The following C11orf16 variants were observed in gnomAD, a reference collection of about 807,000 sequenced individuals.
The protein encoded by C11orf16 is uncharacterized protein C11orf16.
In C11orf16, 38 loss-of-function variants were observed where a neutral mutation model predicts 45.1. The ratio of observed to expected loss-of-function variants is 0.84; its 90% confidence interval spans 0.65 to 1.10. The LOEUF is 1.10. Ranked by LOEUF, C11orf16 falls within the 50% of genes least tolerant of loss-of-function variation. The pLI is 0.00. For synonymous variants in C11orf16, 221 were observed against 222.0 expected (o/e 1.00, Z 0.04); for missense variants, 583 against 569.5 (o/e 1.02, Z -0.24).
chr11:8,927,017 G>A lies in C11orf16; in HGVS notation c.482C>T (p.Ala161Val). The A allele has an allele frequency of 1.9e-6, 3 of 1,614,086 alleles. No individual in the cohort carries two copies. The highest frequency in any genetic ancestry group is 1.7e-6 in the Non-Finnish European group (2 of 1,180,010). ...CTGCTGTTGGCCTGGCTCCCAGAGT[G>A]CCAGCACCTTATCCCCTGGTCTCAG... ...YSLRPGDKVL[A>V]LWEPGQQQYG... Residue 161 changes from alanine (A) to valine (V), a missense_variant, in exon 4 of 7, where the codon GCA becomes GTA. Physicochemically the swap from Ala to Val is moderately conservative, Grantham distance 64 (BLOSUM62 0). Transcript: ENST00000326053.
At chr11:8,929,644 G>T in intron 2 of C11orf16, 111 bp from the exon 3 acceptor site, 1 of 1,041,372 alleles carries the variant, frequency 9.6e-7, no homozygotes, top group Non-Finnish European at 1.3e-6. Flanking sequence ...GAGGCATGCG[G>T]AACAGAAATC....
intron 2 of C11orf16, among the ~76,000 whole-genome samples, chr11:8,930,817 T>C (rs1053448744): frequency 6.6e-6 from 1 of 152,112 alleles, no homozygotes; most frequent in Non-Finnish European, 1.5e-5. Flanking sequence ...GCTGAGGAGC[T>C]CCTGCAGACC....
chr11:8,925,446 C>T lies in C11orf16; in HGVS notation c.1204+17G>A. ...CCAGCCCCTGCCTTAGAAAGCAAGC[C>T]CACTCCCCTGGTATACCTGGCTTCC... is the stretch of plus-strand genomic sequence containing the variant. On this transcript the variant is annotated intron_variant, in intron 5 of 6. Coordinates refer to ENST00000326053, the MANE Select transcript of C11orf16 (RefSeq NM_020643.3). The T allele has an allele frequency of 6.9e-6, 11 of 1,602,550 alleles. No individual in the cohort carries two copies. The highest frequency in any genetic ancestry group is 9.4e-6 in the Non-Finnish European group (11 of 1,173,388).
At position 8,926,008 on chromosome 11, in the gene C11orf16, T is replaced by G; in HGVS notation, c.659A>C (p.Lys220Thr). ...AGACTTGTGCAGCCTCTCCACAGCC[T>G]TCTTCCAGATGGTCAGGGACACCGA... ...VQSVSLTIWK[K>T]AVERLHKSFT... The change falls in exon 5 of 7, where the codon AAG becomes ACG. Residue 220 changes from lysine to threonine, a missense_variant. By Grantham distance (78) the Lys-to-Thr change is moderately conservative. Coordinates refer to ENST00000326053, the MANE Select transcript of C11orf16 (RefSeq NM_020643.3). The G allele has an allele frequency of 1.2e-6, 2 of 1,614,116 alleles. No homozygotes were observed. Among genetic ancestry groups the G allele is most frequent in the Non-Finnish European group, 1.7e-6 (2 of 1,180,016 alleles).
chr11:8,925,999 T>C lies in C11orf16; in HGVS notation c.668A>G (p.Glu223Gly). The C allele has an allele frequency of 1.2e-6, 2 of 1,614,028 alleles. No homozygotes were observed. The highest frequency in any genetic ancestry group is 8.5e-7 in the Non-Finnish European group (1 of 1,179,992). ...CCTGGTGAAAGACTTGTGCAGCCTC[T>C]CCACAGCCTTCTTCCAGATGGTCAG... is the stretch of plus-strand genomic sequence containing the variant. ...VSLTIWKKAVERLHKSFTREH... is the reference protein window; with the variant it reads ...VSLTIWKKAVGRLHKSFTREH... Residue 223 changes from glutamate (E) to glycine (G), a missense_variant, in exon 5 of 7, where the codon GAG (glutamate) becomes GGG (glycine). Transcript: ENST00000326053.
chr11:8,920,879 A>T (rs2568024), intron 6 of C11orf16, among the ~76,000 whole-genome samples: 141,453 of 152,248 alleles, frequency 0.93, 66,563 homozygotes, highest in East Asian at 1. Flanking sequence ...GCCACAGCAG[A>T]ACTGTGACAT....
Position 8,925,732 on chromosome 11 carries a change from G to A in C11orf16, c.935C>T (p.Thr312Ile), listed in dbSNP as rs1446689831. 6.2e-7 allele frequency: 1 copy of A among 1,614,242 alleles called. No individual in the cohort carries two copies. Among genetic ancestry groups the A allele is most frequent in the Non-Finnish European group, 8.5e-7 (1 of 1,180,038 alleles). Residue 312 changes from threonine (T) to isoleucine (I), a missense_variant, in exon 5 of 7, where the codon ACA becomes ATA. Thr to Ile is a moderately conservative substitution (Grantham distance 89). Transcript: ENST00000326053. ...MARELPELEP[T>I]AQLLPLEGPK... The stretch of plus-strand genomic sequence containing the variant: ...ACCTTCCAGGGGCAAAAGCTGTGCT[G>A]TGGGCTCCAACTCTGGAAGTTCTCT...
Position 8,926,960 on chromosome 11 carries a change from T to G in C11orf16, c.539A>C (p.Glu180Ala), listed in dbSNP as rs779904048. Reference protein sequence around the residue: ...YGPGTVLLGLEMRDPQRASKE... With the variant: ...YGPGTVLLGLAMRDPQRASKE... ...CTTACCTCTCTGGGGATCTCTCATCTCCAAGCCCAAAAGAACAGTGCCAGG... is the reference window on the plus strand; with the variant it reads ...CTTACCTCTCTGGGGATCTCTCATCGCCAAGCCCAAAAGAACAGTGCCAGG... Residue 180 changes from glutamate (E) to alanine (A), a missense_variant, in exon 4 of 7, where the codon GAG becomes GCG. Coordinates refer to ENST00000326053, the MANE Select transcript of C11orf16 (RefSeq NM_020643.3). The G allele has an allele frequency of 6.2e-7, 1 of 1,613,756 alleles. No individual in the cohort carries two copies. The highest frequency in any genetic ancestry group is 1.7e-5 in the Admixed American group (1 of 60,026).
Position 8,921,601 on chromosome 11 carries a change from C to T in C11orf16, c.1205-86G>A, listed in dbSNP as rs2064574752. ...ACTAAAACAAGGATCACTGAAGTAT[C>T]TGTAAGCTCAAGCATTGTTTTCTTT... On this transcript the variant is annotated intron_variant, in intron 5 of 6. Coordinates refer to ENST00000326053, the MANE Select transcript of C11orf16 (RefSeq NM_020643.3). 3.4e-6 allele frequency: 4 copies of T among 1,185,888 alleles called. No homozygotes were observed. The South Asian group carries it at 5.2e-5, about 15-fold the overall frequency. 73.5% of individuals were successfully genotyped at this position (1,185,888 alleles called of 1,614,324 possible). A position where few individuals can be genotyped will look rare whatever the true frequency, so the allele number is the denominator to read the frequency against.
At position 8,921,335 on chromosome 11, in the gene C11orf16, C is replaced by G. The variant is rs1589930857; in HGVS notation, c.1385G>C (p.Trp462Ser). 5 of 1,613,426 alleles carry G rather than the reference C, an allele frequency of 3.1e-6. No homozygotes were observed. The East Asian group carries it at 1.1e-4, about 36-fold the overall frequency. Residue 462 changes from tryptophan to serine, a missense_variant, in exon 6 of 7, where the codon TGG (tryptophan) becomes TCG (serine). By Grantham distance (177) the Trp-to-Ser change is radical. Coordinates refer to ENST00000326053, the MANE Select transcript of C11orf16 (RefSeq NM_020643.3). ...CTTAGTCTAACGGGAATTCTTGTTC[C>G]ACTGACATATTGCAAGGCTCTGACT... ...KRSQSLAICQ[W>S]NKNSR
chr11:8,923,002 A>G (rs138610900), intron 5 of C11orf16, among the ~76,000 whole-genome samples: 1 of 152,356 alleles, frequency 6.6e-6, no homozygotes, highest in Non-Finnish European at 1.5e-5. Context: ...CTTTCCCTAG[A>G]GCATAACACA....
Position 8,929,454 on chromosome 11 carries a change from C to T in C11orf16, c.247G>A (p.Ala83Thr), listed in dbSNP as rs764984714. 1 of 1,614,190 alleles carries T rather than the reference C, an allele frequency of 6.2e-7. No homozygotes were observed. The highest frequency in any genetic ancestry group is 1.1e-5 in the South Asian group (1 of 91,082). ...GPGWLGRAGD[A>T]ANTWVLARRE... ...CTTGCTAGGACCCATGTGTTGGCAG[C>T]ATCTCCAGCTCTTCCCAGCCAGCCA... The change falls in exon 3 of 7, where the codon GCT becomes ACT. Residue 83 changes from alanine (A) to threonine (T), a missense_variant. Transcript: ENST00000326053.
chr11:8,928,921 T>C (rs2568074), intron 3 of C11orf16: 45,035 of 158,502 alleles, frequency 0.28, 7,368 homozygotes, highest in South Asian at 0.44. Flanking sequence ...TCCAGTGTGA[T>C]TGATGTCCTT....
In C11orf16 at chr11:8,921,512, G is replaced by C. The variant is rs746484390; in HGVS notation, c.1208C>G (p.Thr403Arg). 12 of 1,614,126 alleles carry C rather than the reference G, an allele frequency of 7.4e-6. No homozygotes were observed. In the African/African-American group the frequency reaches 1.2e-4, roughly 16 times the overall value. The change falls in exon 6 of 7, where the codon ACA (threonine) becomes AGA (arginine). Residue 403 changes from threonine to arginine, a missense_variant. Coordinates refer to ENST00000326053, the MANE Select transcript of C11orf16 (RefSeq NM_020643.3). ...TTCTTTGCAGATGTTGGAATATCTT[G>C]TTCCTAAACCCAAAAGTCAATTACT... ...GPEPCLGKPGTRYSNICKEEK... is the reference protein window; with the variant it reads ...GPEPCLGKPGRRYSNICKEEK...
At chr11:8,926,411 C>A (rs889104970) in intron 4 of C11orf16, among the ~76,000 whole-genome samples, 1 of 152,054 alleles carries the variant, frequency 6.6e-6, no homozygotes, top group Non-Finnish European at 1.5e-5. Flanking sequence ...TCCTCACATG[C>A]ACCTCTCCGT....
chr11:8,925,628 C>T lies in C11orf16; in HGVS notation c.1039G>A (p.Val347Met), dbSNP rs760043859. 28 of 1,614,166 alleles carry T rather than the reference C, an allele frequency of 1.7e-5. No individual in the cohort carries two copies. The highest frequency in any genetic ancestry group is 4.0e-5 in the African/African-American group (3 of 74,954). ...SSSSSCEQDG[V>M]ENDLEMGPPQ... ...GGGCCCATCTCCAGATCATTCTCCACACCGTCTTGTTCACAGGAGGAGGAT... is the reference window on the plus strand; with the variant it reads ...GGGCCCATCTCCAGATCATTCTCCATACCGTCTTGTTCACAGGAGGAGGAT... Residue 347 changes from valine (V) to methionine (M), a missense_variant, in exon 5 of 7, where the codon GTG becomes ATG. By Grantham distance (21) the Val-to-Met change is conservative. Transcript: ENST00000326053.
intron 5 of C11orf16, among the ~76,000 whole-genome samples, chr11:8,925,245 C>G (rs1002105077): frequency 6.6e-6 from 1 of 152,222 alleles, no homozygotes; most frequent in African/African-American, 2.4e-5. Context: ...GCACAAAGAT[C>G]AGTTCATCCT....
chr11:8,922,544 A>G (rs1483849169), intron 5 of C11orf16, among the ~76,000 whole-genome samples: 1 of 152,202 alleles, frequency 6.6e-6, no homozygotes, highest in Non-Finnish European at 1.5e-5. Flanking sequence ...GCAGCTCACA[A>G]TCTGGCCTCC....
Position 8,921,467 on chromosome 11 carries a change from T to C in C11orf16, c.1253A>G (p.Gln418Arg). The change falls in exon 6 of 7, where the codon CAG becomes CGG. Residue 418 changes from glutamine (Q) to arginine (R), a missense_variant. Coordinates refer to ENST00000326053, the MANE Select transcript of C11orf16 (RefSeq NM_020643.3). Reference protein sequence around the residue: ...ICKEEKDHKQQRAQTAVVGTT... With the variant: ...ICKEEKDHKQRRAQTAVVGTT... ...CCCCACTACTGCAGTTTGTGCTCTC[T>C]GCTGTTTGTGATCCTTTTCTTCTTT... 1 of 1,614,228 alleles carries C rather than the reference T, an allele frequency of 6.2e-7. No individual in the cohort carries two copies. The highest frequency in any genetic ancestry group is 1.3e-5 in the African/African-American group (1 of 75,072).
Sources: allele counts gnomAD v4.1 joint callset (sites outside exome capture counted in the v4.1 genomes callset), GRCh38; gene constraint gnomAD v4.1.1; transcripts MANE v1.5; gene names NCBI Gene and HGNC (gene_info 2026-07-23, HGNC 2026-07-21).